The following RABGAP1L variants were observed in gnomAD, a reference collection of about 807,000 sequenced individuals.
The protein encoded by RABGAP1L is RAB GTPase activating protein 1 like.
In RABGAP1L, 63 loss-of-function variants were observed where a neutral mutation model predicts 137.7. The observed-to-expected ratio is 0.46, with a 90% CI of 0.37 to 0.56. RABGAP1L has a LOEUF of 0.56. RABGAP1L is among the 20% of genes least tolerant of loss of function. RABGAP1L has a pLI of 0.00. For missense variants in RABGAP1L, 1,095 were observed against 1,244.0 expected (o/e 0.88, Z 1.80); for synonymous variants, 431 against 433.7 (o/e 0.99, Z 0.08).
At chr1:174,380,184 T>G (rs1310816669) in intron 12 of RABGAP1L, among the ~76,000 whole-genome samples, 108 of 149,998 alleles carry the variant, frequency 7.2e-4, no homozygotes, top group African/African-American at 2.1e-3. Context: ...GCTGGATTCG[T>G]TTTGCCAGTA....
At chr1:174,362,904 A>G (rs1384848084) in intron 11 of RABGAP1L, among the ~76,000 whole-genome samples, 1 of 152,016 alleles carries the variant, frequency 6.6e-6, no homozygotes, top group Non-Finnish European at 1.5e-5. Context: ...GTTTTCAAGG[A>G]TTTTTATAGT....
At chr1:174,172,660 C>G (rs1479234344) in intron 1 of RABGAP1L, among the ~76,000 whole-genome samples, 1 of 152,070 alleles carries the variant, frequency 6.6e-6, no homozygotes, top group Admixed American at 6.6e-5. Context: ...GGAAAAATGT[C>G]TCTTTAGGTT....
intron 14 of RABGAP1L, among the ~76,000 whole-genome samples, chr1:174,648,058 A>T (rs1476858224): frequency 6.6e-6 from 1 of 151,960 alleles, no homozygotes; most frequent in Non-Finnish European, 1.5e-5. Flanking sequence ...TATCCCCTTT[A>T]TCATTTTTTA....
chr1:174,330,197 G>A (rs984993286), intron 11 of RABGAP1L, among the ~76,000 whole-genome samples: 1 of 152,120 alleles, frequency 6.6e-6, no homozygotes, highest in African/African-American at 2.4e-5. Context: ...AACAAATTCA[G>A]TAAAGTTGCA....
chr1:174,371,718 T>C lies in RABGAP1L; in HGVS notation c.1559+646T>C, dbSNP rs574845749. ...ATACTTCCCCATATTAGTATAGACA[T>C]AGAAATTCAATTTATTGTTGAATAT... is the stretch of plus-strand genomic sequence containing the variant. On this transcript the variant is annotated intron_variant, in intron 12 of 25. Coordinates refer to ENST00000681986, the MANE Select transcript of RABGAP1L (RefSeq NM_001366446.1). Among the ~76,000 whole-genome samples the C allele has an allele frequency of 6.0e-4, 92 of 152,282 alleles. 1 individual carries two copies. In the South Asian group the frequency reaches 0.019, roughly 31 times the overall value.
chr1:174,744,051 A>G (rs1683666540), intron 17 of RABGAP1L, among the ~76,000 whole-genome samples: 1 of 134,184 alleles, frequency 7.5e-6, no homozygotes, highest in South Asian at 2.7e-4. Context: ...GCATGTCTCA[A>G]TTTGTATACA....
chr1:174,589,961 C>T (rs1669436874), intron 13 of RABGAP1L, among the ~76,000 whole-genome samples: 1 of 151,986 alleles, frequency 6.6e-6, no homozygotes, highest in Non-Finnish European at 1.5e-5. Context: ...TGGGTTCCAT[C>T]AAAATTTACG....
rs374000462 is a variant in RABGAP1L, at chr1:174,969,211, A to G, written c.2434-66A>G. The G allele has an allele frequency of 3.7e-4, 459 of 1,241,350 alleles. 10 individuals are homozygous for G. The South Asian group carries it at 5.6e-3, about 15-fold the overall frequency. 76.9% of individuals were successfully genotyped at this position (1,241,350 alleles called of 1,614,324 possible). ...TTCACTTTGTTGCTTGTTTTTCCTC[A>G]CCAGTTCTGTTCGTTTCTGTATGTC... On this transcript the variant is annotated intron_variant, in intron 20 of 25. Coordinates refer to ENST00000681986, the MANE Select transcript of RABGAP1L (RefSeq NM_001366446.1).
rs1280854337 is a variant in RABGAP1L, at chr1:174,278,665, G to A, written c.1209G>A (p.Val403=). 4 of 1,613,348 alleles carry A rather than the reference G, an allele frequency of 2.5e-6. No individual in the cohort carries two copies. The African/African-American group carries it at 5.3e-5, about 22-fold the overall frequency. The change falls in exon 10 of 26, where the codon GTG becomes GTA. Residue 403 remains valine (V), a synonymous_variant. Coordinates refer to ENST00000681986, the MANE Select transcript of RABGAP1L (RefSeq NM_001366446.1). ...TGGATATGGTAGTCACAGAGGTGGT[G>A]GAGCCTGTTCGCTTTCTCCTGGAGA... ...VAVDMVVTEV[V]EPVRFLLETV... is the part of the protein sequence containing the mutation.
intron 18 of RABGAP1L, among the ~76,000 whole-genome samples, chr1:174,811,194 A>T (rs755863950): frequency 6.6e-6 from 1 of 152,172 alleles, no homozygotes; most frequent in Admixed American, 6.5e-5. Flanking sequence ...AGATATATTT[A>T]TTTCCAAATG....
At chr1:174,596,748 C>T (rs6666123) in intron 13 of RABGAP1L, among the ~76,000 whole-genome samples, 1 of 152,066 alleles carries the variant, frequency 6.6e-6, no homozygotes, top group Non-Finnish European at 1.5e-5. Context: ...ATTTCCAGGA[C>T]TATGTTGAAT....
chr1:174,354,092 A>G (rs566516222), intron 11 of RABGAP1L, among the ~76,000 whole-genome samples: 42 of 152,260 alleles, frequency 2.8e-4, no homozygotes, highest in African/African-American at 1.0e-3. Flanking sequence ...TTAGAATTCC[A>G]TGCTTGGTTG....
intron 14 of RABGAP1L, among the ~76,000 whole-genome samples, chr1:174,680,516 T>G (rs536962366): frequency 2.0e-5 from 3 of 152,344 alleles, no homozygotes; most frequent in African/African-American, 7.2e-5. Context: ...GTCTGTGGTA[T>G]TCTGGTTATA....
At chr1:174,306,911 A>T (rs1043948746) in intron 11 of RABGAP1L, among the ~76,000 whole-genome samples, 9 of 152,138 alleles carry the variant, frequency 5.9e-5, no homozygotes, top group African/African-American at 1.9e-4. Context: ...AATTTTTATT[A>T]TCTTTGAAAA....
chr1:174,807,218 T>A (rs1171773047), intron 18 of RABGAP1L, among the ~76,000 whole-genome samples: 1 of 152,242 alleles, frequency 6.6e-6, no homozygotes, highest in African/African-American at 2.4e-5. Flanking sequence ...TATGTTTATC[T>A]CTGTAGTCAG....
At chr1:174,596,342 C>A (rs182201071) in intron 13 of RABGAP1L, among the ~76,000 whole-genome samples, 19 of 151,946 alleles carry the variant, frequency 1.3e-4, no homozygotes, top group African/African-American at 4.4e-4. Context: ...AGCTGTAGAC[C>A]GGAGCTGTTC....
At chr1:174,528,631 G>GT (rs910883303) in intron 13 of RABGAP1L, among the ~76,000 whole-genome samples, 1 of 144,350 alleles carries the variant, frequency 6.9e-6, no homozygotes, top group Non-Finnish European at 1.5e-5. Context: ...TTCTCTTTTT[G>GT]TTTTTAGAAG....
chr1:174,171,318 GTTTATA>G (rs1191796377), intron 1 of RABGAP1L, among the ~76,000 whole-genome samples: 2 of 151,952 alleles, frequency 1.3e-5, no homozygotes, highest in African/African-American at 2.4e-5. Context: ...TTCTAAAATT[GTTTATA>G]TTTAAGGTAT....
intron 19 of RABGAP1L, among the ~76,000 whole-genome samples, chr1:174,952,364 A>AAT (rs781315054): frequency 6.8e-6 from 1 of 146,356 alleles, no homozygotes; most frequent in Non-Finnish European, 1.5e-5. Flanking sequence ...AAAAAAAAAA[A>AAT]GCTAGGCATG....
Sources: gnomAD v4.1 joint callset for allele counts (sites outside exome capture counted in the v4.1 genomes callset) on GRCh38, gnomAD v4.1.1 for gene constraint, MANE v1.5 for transcripts, NCBI Gene and HGNC (gene_info 2026-07-23, HGNC 2026-07-21) for gene names.